Variants in NR3C2 observed in about 807,000 individuals in gnomAD.
The protein encoded by NR3C2 is mineralocorticoid receptor.
NR3C2 carries 15 observed loss-of-function variants against 86.4 expected under a neutral mutation model. The ratio of observed to expected loss-of-function variants is 0.17; its 90% CI spans 0.12 to 0.27. NR3C2 has a LOEUF of 0.27. Ranked by LOEUF, NR3C2 falls within the 10% of genes least tolerant of loss-of-function variation. NR3C2 has a pLI of 1.00. For synonymous variants in NR3C2, 458 were observed against 450.5 expected, an observed-to-expected ratio of 1.02 and a Z score of -0.21; for missense variants, 960 against 1,195.6, an observed-to-expected ratio of 0.80 and a Z score of 2.91.
At chr4:148,136,284 G>C (rs1392772429) in intron 6 of NR3C2, among the ~76,000 whole-genome samples, 1 of 151,630 alleles carries the variant, frequency 6.6e-6, no homozygotes, top group Non-Finnish European at 1.5e-5. Flanking sequence ...AGAGCAAAAG[G>C]AAGGGAAAGA....
At chr4:148,344,948 A>G (rs778648721) in intron 2 of NR3C2, among the ~76,000 whole-genome samples, 1 of 152,156 alleles carries the variant, frequency 6.6e-6, no homozygotes, top group Non-Finnish European at 1.5e-5. Flanking sequence ...GACAAATTCA[A>G]GTTGGTTTTC....
At chr4:148,367,492 A>G (rs1346462983) in intron 2 of NR3C2, among the ~76,000 whole-genome samples, 4 of 152,178 alleles carry the variant, frequency 2.6e-5, no homozygotes, top group African/African-American at 9.6e-5. Context: ...TTGAATACGA[A>G]CAATGTTATC....
chr4:148,221,374 G>A (rs1267268369), intron 3 of NR3C2, among the ~76,000 whole-genome samples: 1 of 152,198 alleles, frequency 6.6e-6, no homozygotes, highest in East Asian at 1.9e-4. Context: ...GTACTTCACT[G>A]TCAGAGAGAA....
intron 8 of NR3C2, among the ~76,000 whole-genome samples, chr4:148,109,210 C>T (rs1731938850): frequency 6.6e-6 from 1 of 152,178 alleles, no homozygotes; most frequent in Non-Finnish European, 1.5e-5. Flanking sequence ...AGCTCCTCCA[C>T]TTTCTTCACA....
chr4:148,089,834 C>T (rs1730981228), intron 8 of NR3C2, among the ~76,000 whole-genome samples: 1 of 152,242 alleles, frequency 6.6e-6, no homozygotes, highest in Non-Finnish European at 1.5e-5. Flanking sequence ...ATCAGGCTAG[C>T]AGAGTCCTGC....
chr4:148,323,351 C>A (rs1455062346), intron 2 of NR3C2, among the ~76,000 whole-genome samples: 1 of 148,940 alleles, frequency 6.7e-6, no homozygotes, highest in Non-Finnish European at 1.5e-5. Context: ...TGCCCTGCCC[C>A]CAGAGGTGGA....
chr4:148,260,301 G>A (rs1243837046), intron 2 of NR3C2, among the ~76,000 whole-genome samples, 184 bp from the exon 3 acceptor site: 1 of 152,186 alleles, frequency 6.6e-6, no homozygotes. Flanking sequence ...TGCTATCAAG[G>A]TTATTGTGTA....
At chr4:148,223,442 T>C (rs914276387) in intron 3 of NR3C2, among the ~76,000 whole-genome samples, 28 of 152,226 alleles carry the variant, frequency 1.8e-4, no homozygotes, top group African/African-American at 6.8e-4. Flanking sequence ...TATACAAATC[T>C]GTGTCTTTCC....
At chr4:148,432,536 C>G (rs1318943737) in intron 2 of NR3C2, among the ~76,000 whole-genome samples, 1 of 152,106 alleles carries the variant, frequency 6.6e-6, no homozygotes, top group Non-Finnish European at 1.5e-5. Context: ...CAGGAACCCT[C>G]AAACCATGAT....
chr4:148,323,156 C>A (rs1005155946), intron 2 of NR3C2, among the ~76,000 whole-genome samples: 34 of 149,326 alleles, frequency 2.3e-4, no homozygotes, highest in Non-Finnish European at 4.3e-4. Context: ...TGTCAGTGTG[C>A]CTCTGCTGGG....
intron 2 of NR3C2, among the ~76,000 whole-genome samples, chr4:148,293,246 TAA>T (rs760198648): frequency 6.6e-6 from 1 of 152,170 alleles, no homozygotes; most frequent in East Asian, 1.9e-4. Flanking sequence ...CAGAAGAAGC[TAA>T]GTCATTTTAT....
At chr4:148,306,638 C>G (rs962871573) in intron 2 of NR3C2, among the ~76,000 whole-genome samples, 2 of 152,288 alleles carry the variant, frequency 1.3e-5, no homozygotes, top group African/African-American at 4.8e-5. Context: ...TTTTTAATCT[C>G]TCAGTATGGA....
intron 2 of NR3C2, among the ~76,000 whole-genome samples, chr4:148,388,305 T>C (rs190166212): frequency 1.5e-4 from 23 of 152,328 alleles, no homozygotes; most frequent in Non-Finnish European, 2.4e-4. Context: ...TTTGGAATAT[T>C]TGCATCATAC....
intron 2 of NR3C2, among the ~76,000 whole-genome samples, chr4:148,292,335 T>G (rs913203620): frequency 3.3e-5 from 5 of 152,072 alleles, no homozygotes; most frequent in African/African-American, 1.2e-4. Context: ...CTCTTACGCT[T>G]TCTTAATTGA....
intron 2 of NR3C2, among the ~76,000 whole-genome samples, chr4:148,408,344 T>C (rs1748521914): frequency 6.6e-6 from 1 of 152,152 alleles, no homozygotes; most frequent in Admixed American, 6.5e-5. Context: ...AACAAAAATA[T>C]GTGCTAGGAA....
At chr4:148,132,704 T>A (rs1222999501) in intron 6 of NR3C2, among the ~76,000 whole-genome samples, 3 of 152,212 alleles carry the variant, frequency 2.0e-5, no homozygotes, top group Non-Finnish European at 4.4e-5. Flanking sequence ...GAGAAATTTT[T>A]TGGAAAGGCA....
intron 1 of NR3C2, among the ~76,000 whole-genome samples, chr4:148,440,229 A>G (rs1180356425): frequency 6.6e-6 from 1 of 152,236 alleles, no homozygotes; most frequent in East Asian, 1.9e-4. Context: ...CATTATTGAA[A>G]TATTTTGAGT....
chr4:148,190,831 T>C (rs1463840747), intron 4 of NR3C2, among the ~76,000 whole-genome samples: 1 of 152,230 alleles, frequency 6.6e-6, no homozygotes, highest in Non-Finnish European at 1.5e-5. Context: ...TGAAATGCCT[T>C]TTATACCCCT....
chr4:148,367,142 A>C (rs1746187125), intron 2 of NR3C2, among the ~76,000 whole-genome samples: 1 of 152,210 alleles, frequency 6.6e-6, no homozygotes, highest in Non-Finnish European at 1.5e-5. Context: ...AAAAGGTTTC[A>C]GTACCTCTAC....
Sources: gnomAD v4.1 joint callset for allele counts (sites outside exome capture counted in the v4.1 genomes callset) on GRCh38, gnomAD v4.1.1 for gene constraint, MANE v1.5 for transcripts, NCBI Gene and HGNC (gene_info 2026-07-23, HGNC 2026-07-21) for gene names.